Variants in KIAA1217 observed in about 807,000 individuals in gnomAD.
The protein encoded by KIAA1217 is KIAA1217, also known as sickle tail protein homolog.
In KIAA1217, 88 loss-of-function variants were observed where a neutral mutation model predicts 163.9. The ratio of observed to expected loss-of-function variants is 0.54; its 90% CI spans 0.45 to 0.64. The LOEUF is 0.64. Among genes scored for constraint, KIAA1217 ranks in the 30% least tolerant of loss-of-function variants. The pLI is 0.00. For synonymous variants in KIAA1217, 903 were observed against 923.1 expected (o/e 0.98, Z 0.39); for missense variants, 2,372 against 2,475.0 (o/e 0.96, Z 0.88).
At chr10:24,501,894 GC>G (rs1320335312) in intron 9 of KIAA1217, among the ~76,000 whole-genome samples, 2 of 151,446 alleles carry the variant, frequency 1.3e-5, no homozygotes, top group African/African-American at 4.8e-5. Flanking sequence ...AACTACAGGC[GC>G]CCGCCACCAC....
intron 9 of KIAA1217, among the ~76,000 whole-genome samples, chr10:24,509,819 T>C (rs1375183448): frequency 6.6e-6 from 1 of 152,114 alleles, no homozygotes; most frequent in Non-Finnish European, 1.5e-5. Flanking sequence ...ATAAAGTAAG[T>C]TGAAGAAAAG....
chr10:24,516,357 G>C (rs752466240), intron 10 of KIAA1217, among the ~76,000 whole-genome samples: 2 of 152,196 alleles, frequency 1.3e-5, no homozygotes, highest in African/African-American at 4.8e-5. Flanking sequence ...CCATACTCAG[G>C]CCTCACATAC....
At chr10:24,319,430 G>A (rs993000993) in intron 2 of KIAA1217, among the ~76,000 whole-genome samples, 1 of 143,814 alleles carries the variant, frequency 7.0e-6, no homozygotes, top group African/African-American at 2.6e-5. Flanking sequence ...TTGGAAAGGA[G>A]ATTCTAAAGG....
At chr10:24,107,648 T>C (rs2062683673) in intron 2 of KIAA1217, among the ~76,000 whole-genome samples, 1 of 152,134 alleles carries the variant, frequency 6.6e-6, no homozygotes, top group African/African-American at 2.4e-5. Context: ...ATTTTGAGCG[T>C]TTTTTCATAT....
chr10:24,282,450 A>G (rs1376258141), intron 2 of KIAA1217, among the ~76,000 whole-genome samples: 1 of 152,160 alleles, frequency 6.6e-6, no homozygotes, highest in Non-Finnish European at 1.5e-5. Flanking sequence ...AATTCTCTGC[A>G]TAAGAAATTT....
upstream of KIAA1217, among the ~76,000 whole-genome samples, chr10:24,206,441 A>G (rs571581380): frequency 6.6e-6 from 1 of 152,244 alleles, no homozygotes; most frequent in South Asian, 2.1e-4. Context: ...GTTTATATAG[A>G]TTGCAGAATA....
chr10:23,857,091 C>T (rs186193686), intron 1 of KIAA1217, among the ~76,000 whole-genome samples: 59 of 152,356 alleles, frequency 3.9e-4, no homozygotes, highest in African/African-American at 1.3e-3. Flanking sequence ...AGAAATCACC[C>T]GTCTTCTGTG....
At chr10:24,057,544 C>G (rs2060572327) in intron 2 of KIAA1217, among the ~76,000 whole-genome samples, 1 of 152,138 alleles carries the variant, frequency 6.6e-6, no homozygotes, top group Non-Finnish European at 1.5e-5. Flanking sequence ...CTGTGACTAC[C>G]TTATTTCACT....
intron 8 of KIAA1217, among the ~76,000 whole-genome samples, chr10:24,496,442 C>A (rs886353515): frequency 6.6e-6 from 1 of 152,232 alleles, no homozygotes; most frequent in African/African-American, 2.4e-5. Flanking sequence ...CTACTAAATA[C>A]TAAAAGCTCC....
chr10:23,991,225 C>T (rs1846203569), intron 1 of KIAA1217, among the ~76,000 whole-genome samples: 1 of 152,222 alleles, frequency 6.6e-6, no homozygotes, highest in South Asian at 2.1e-4. Flanking sequence ...GGCCCTGCTC[C>T]CATGCAGCCA....
chr10:24,060,818 C>T (rs905514738), intron 2 of KIAA1217, among the ~76,000 whole-genome samples: 1 of 151,906 alleles, frequency 6.6e-6, no homozygotes, highest in Admixed American at 6.6e-5. Context: ...AGAGTGAAAC[C>T]CTGTTTAAAA....
chr10:23,860,728 C>T (rs1056044788), intron 1 of KIAA1217, among the ~76,000 whole-genome samples: 1 of 151,804 alleles, frequency 6.6e-6, no homozygotes, highest in Non-Finnish European at 1.5e-5. Flanking sequence ...CTGCTATGGG[C>T]AACATAAAAG....
intron 1 of KIAA1217, 96 bp downstream of exon 1, chr10:24,209,359 G>GTA: frequency 3.7e-5 from 24 of 648,694 alleles, no homozygotes; most frequent in Admixed American, 7.6e-5. Context: ...ACCCGGCAAA[G>GTA]GAAAAAAAAA....
At chr10:23,699,454 TTTGACTG>T (rs1836278451) in intron 1 of KIAA1217, among the ~76,000 whole-genome samples, 1 of 152,184 alleles carries the variant, frequency 6.6e-6, no homozygotes, top group African/African-American at 2.4e-5. Context: ...TGGTGCTCCT[TTTGACTG>T]CTTGTGCTCT....
intron 17 of KIAA1217, among the ~76,000 whole-genome samples, chr10:24,538,520 G>T (rs1332405873): frequency 2.1e-5 from 3 of 140,630 alleles, no homozygotes; most frequent in Non-Finnish European, 4.7e-5. Context: ...AAGAGAGAGA[G>T]ATATGGAGGG....
intron 2 of KIAA1217, among the ~76,000 whole-genome samples, chr10:24,086,666 T>C (rs1330280551): frequency 1.3e-5 from 2 of 152,120 alleles, no homozygotes; most frequent in Non-Finnish European, 2.9e-5. Flanking sequence ...TTGCCAAACA[T>C]TAATGAAGGG....
rs769759620 is a variant in KIAA1217, at chr10:24,219,719, C to T, written c.164C>T (p.Ser55Leu). 7 of 1,613,876 alleles carry T rather than the reference C, an allele frequency of 4.3e-6. No homozygotes were observed. Among genetic ancestry groups the T allele is most frequent in the Middle Eastern group, 1.6e-4 (1 of 6,084 alleles). The change falls in exon 2 of 21, where the codon TCA (serine) becomes TTA (leucine). Residue 55 changes from serine (S) to leucine (L), a missense_variant. Physicochemically the swap from Ser to Leu is moderately radical, Grantham distance 145 (BLOSUM62 -2). Transcript: ENST00000376454. Reference sequence around the variant, plus strand: ...CTTTCTAATGGAAACAGTCGTGGTTCAGTTTCCAAGTCTTCCCGCAATATC... The same window carrying T: ...CTTTCTAATGGAAACAGTCGTGGTTTAGTTTCCAAGTCTTCCCGCAATATC... ...ERLSNGNSRG[S>L]VSKSSRNIPR...
chr10:24,053,909 G>A (rs1365824255), intron 2 of KIAA1217, among the ~76,000 whole-genome samples: 1 of 152,156 alleles, frequency 6.6e-6, no homozygotes, highest in African/African-American at 2.4e-5. Flanking sequence ...GACCATGTTG[G>A]TTGCATTTAG....
intron 3 of KIAA1217, among the ~76,000 whole-genome samples, chr10:24,416,329 A>G (rs2058246560): frequency 1.3e-5 from 2 of 152,216 alleles, no homozygotes; most frequent in African/African-American, 2.4e-5. Context: ...GAGGGTACTC[A>G]GGTATCCACC....
Sources: gnomAD v4.1 joint callset for allele counts (sites outside exome capture counted in the v4.1 genomes callset) on GRCh38, gnomAD v4.1.1 for gene constraint, MANE v1.5 for transcripts, NCBI Gene and HGNC (gene_info 2026-07-23, HGNC 2026-07-21) for gene names.